The following NEK7 variants were observed in gnomAD, a reference collection of about 807,000 sequenced individuals.
NEK7 encodes NIMA related kinase 7.
Under a neutral mutation model 44.6 loss-of-function variants are expected in NEK7, and 18 were observed. The ratio of observed to expected loss-of-function variants is 0.40; its 90% CI spans 0.28 to 0.60. The LOEUF (loss-of-function observed/expected upper bound fraction) is 0.60, where lower values mean the gene tolerates loss of function less well. NEK7 is among the 20% of genes least tolerant of loss of function. The pLI is 0.38. For synonymous variants in NEK7, 130 were observed against 121.1 expected, an observed-to-expected ratio of 1.07 and a Z score of -0.48; for missense variants, 256 against 366.5, an observed-to-expected ratio of 0.70 and a Z score of 2.46.
intron 1 of NEK7, among the ~76,000 whole-genome samples, chr1:198,178,631 AT>A (rs1664671207): frequency 6.6e-6 from 1 of 151,834 alleles, no homozygotes; most frequent in Admixed American, 6.6e-5. Context: ...ACTTGACTTT[AT>A]TTTGCCCAGT....
intron 9 of NEK7, among the ~76,000 whole-genome samples, chr1:198,301,545 G>A (rs1003909211): frequency 3.3e-5 from 5 of 152,304 alleles, no homozygotes; most frequent in Admixed American, 6.5e-5. Context: ...GCAAGACTCC[G>A]TCTCAAAAAC....
intron 1 of NEK7, among the ~76,000 whole-genome samples, chr1:198,230,076 G>A (rs1036131777): frequency 6.6e-5 from 10 of 152,126 alleles, no homozygotes; most frequent in African/African-American, 1.9e-4. Flanking sequence ...GGCCTGCTTG[G>A]ATCTTTTACT....
At chr1:198,170,426 A>G (rs1186042086) in intron 1 of NEK7, among the ~76,000 whole-genome samples, 5 of 152,206 alleles carry the variant, frequency 3.3e-5, no homozygotes, top group African/African-American at 1.2e-4. Flanking sequence ...GTTAGATTAA[A>G]TTGACTTGAA....
intron 1 of NEK7, among the ~76,000 whole-genome samples, chr1:198,214,997 T>C (rs1665875979): frequency 6.6e-6 from 1 of 152,154 alleles, no homozygotes; most frequent in Admixed American, 6.5e-5. Context: ...AGAAACCTTA[T>C]AGGCCAGAAG....
At chr1:198,171,158 C>T (rs1664427161) in intron 1 of NEK7, among the ~76,000 whole-genome samples, 1 of 152,096 alleles carries the variant, frequency 6.6e-6, no homozygotes, top group Admixed American at 6.5e-5. Context: ...CTACAGTGTA[C>T]TTAAAAATTA....
rs115656704 is a variant in NEK7 at position 198,291,686 on chromosome 1, T to C, written c.590-1259T>C. Among the ~76,000 whole-genome samples the C allele has an allele frequency of 4.3e-3, 659 of 152,298 alleles. 7 individuals carry two copies. Among genetic ancestry groups the C allele is most frequent in the African/African-American group, 0.015 (628 of 41,558 alleles). On this transcript the variant is annotated intron_variant, in intron 7 of 9. Transcript: ENST00000367385. The stretch of plus-strand genomic sequence containing the variant: ...CATCACTTTCATAAATACTTTTCTT[T>C]CATCCAGTCTGACTAGGGCTATCCA...
intron 1 of NEK7, among the ~76,000 whole-genome samples, chr1:198,226,818 T>A (rs1411548492): frequency 6.6e-6 from 1 of 152,122 alleles, no homozygotes; most frequent in Non-Finnish European, 1.5e-5. Flanking sequence ...CCTTTCTGTC[T>A]TGGAGATGGC....
At chr1:198,186,544 C>G (rs930871021) in intron 1 of NEK7, among the ~76,000 whole-genome samples, 1 of 152,172 alleles carries the variant, frequency 6.6e-6, no homozygotes, top group African/African-American at 2.4e-5. Flanking sequence ...TACAGGATGG[C>G]TGGTGCATTT....
At chr1:198,199,462 C>G (rs114317958) in intron 1 of NEK7, among the ~76,000 whole-genome samples, 28 of 152,192 alleles carry the variant, frequency 1.8e-4, no homozygotes, top group Non-Finnish European at 2.2e-4. Context: ...TTCAGATTTT[C>G]TTTGTTTTCT....
intron 1 of NEK7, among the ~76,000 whole-genome samples, chr1:198,196,573 A>G (rs1665242790): frequency 6.6e-6 from 1 of 152,204 alleles, no homozygotes; most frequent in African/African-American, 2.4e-5. Context: ...TTTCAGTGAC[A>G]GTAATTATAG....
At chr1:198,206,498 AT>A (rs1260623340) in intron 1 of NEK7, among the ~76,000 whole-genome samples, 1 of 152,188 alleles carries the variant, frequency 6.6e-6, no homozygotes, top group African/African-American at 2.4e-5. Context: ...AATCCTGATT[AT>A]CTCAACCTTT....
chr1:198,169,386 C>T (rs1664365832), intron 1 of NEK7, among the ~76,000 whole-genome samples: 2 of 152,132 alleles, frequency 1.3e-5, no homozygotes, highest in Non-Finnish European at 2.9e-5. Flanking sequence ...CTTATCAAAA[C>T]AAATATCCAA....
intron 1 of NEK7, among the ~76,000 whole-genome samples, chr1:198,166,610 G>A (rs773657356): frequency 6.6e-6 from 1 of 152,172 alleles, no homozygotes; most frequent in Non-Finnish European, 1.5e-5. Context: ...GAGGCCCAAG[G>A]AGAGGGAGAG....
At chr1:198,299,697 A>T (rs1168496988) in intron 9 of NEK7, among the ~76,000 whole-genome samples, 1 of 152,202 alleles carries the variant, frequency 6.6e-6, no homozygotes, top group Admixed American at 6.5e-5. Flanking sequence ...CCAAATTTTT[A>T]AGGTTACTGC....
chr1:198,315,424 C>T (rs1655338440), intron 9 of NEK7, among the ~76,000 whole-genome samples: 1 of 152,352 alleles, frequency 6.6e-6, no homozygotes, highest in East Asian at 1.9e-4. Context: ...GAGCTGTAGA[C>T]TGGAGCTGTT....
chr1:198,170,039 A>G (rs1664390745), intron 1 of NEK7, among the ~76,000 whole-genome samples: 1 of 152,200 alleles, frequency 6.6e-6, no homozygotes, highest in Admixed American at 6.5e-5. Context: ...GGAAAGGTCT[A>G]GGATGAATGC....
intron 1 of NEK7, among the ~76,000 whole-genome samples, chr1:198,183,629 A>G (rs10922372): frequency 0.17 from 25,587 of 152,086 alleles, 2,761 homozygotes; most frequent in East Asian, 0.58. Flanking sequence ...CAAATGTTCA[A>G]ATTTCTGCTG....
intron 1 of NEK7, among the ~76,000 whole-genome samples, chr1:198,188,850 G>A (rs1664990123): frequency 1.3e-5 from 2 of 152,222 alleles, no homozygotes; most frequent in South Asian, 4.1e-4. Flanking sequence ...CAGGAAAGTT[G>A]ATCATCTCCA....
At chr1:198,273,664 G>T (rs1257428004) in intron 5 of NEK7, among the ~76,000 whole-genome samples, 1 of 151,648 alleles carries the variant, frequency 6.6e-6, no homozygotes, top group Non-Finnish European at 1.5e-5. Context: ...CTAACTGCTT[G>T]TCATCTCATG....
Sources: gnomAD v4.1 joint callset for allele counts (sites outside exome capture counted in the v4.1 genomes callset) on GRCh38, gnomAD v4.1.1 for gene constraint, MANE v1.5 for transcripts, NCBI Gene and HGNC (gene_info 2026-07-23, HGNC 2026-07-21) for gene names.